Variants in MYRIP observed in about 807,000 individuals in gnomAD.
The protein encoded by MYRIP is rab effector MyRIP.
Under a neutral mutation model 98.0 loss-of-function variants are expected in MYRIP, and 49 were observed. The ratio of observed to expected loss-of-function variants is 0.50; its 90% CI spans 0.40 to 0.63. The LOEUF (loss-of-function observed/expected upper bound fraction) is 0.63. Ranked by LOEUF, MYRIP falls within the 30% of genes least tolerant of loss-of-function variation. MYRIP has a pLI of 0.00. For synonymous variants in MYRIP, 404 were observed against 409.5 expected (o/e 0.99, Z 0.16); for missense variants, 1,004 against 1,058.2 (o/e 0.95, Z 0.71).
At chr3:40,247,989 G>A (rs529120249) in intron 13 of MYRIP, among the ~76,000 whole-genome samples, 20 of 152,358 alleles carry the variant, frequency 1.3e-4, no homozygotes, top group African/African-American at 3.6e-4. Flanking sequence ...CCAGGCATGC[G>A]GAAATTCTCC....
chr3:40,213,745 T>G (rs549254919), intron 11 of MYRIP, among the ~76,000 whole-genome samples: 1 of 152,192 alleles, frequency 6.6e-6, no homozygotes, highest in Admixed American at 6.5e-5. Context: ...AAAGTCCAAC[T>G]ACCTGAGGAC....
intron 1 of MYRIP, among the ~76,000 whole-genome samples, chr3:39,846,191 A>G (rs1941960596): frequency 1.1e-5 from 1 of 89,468 alleles, no homozygotes; most frequent in Non-Finnish European, 2.3e-5. Context: ...AACTCTTGGA[A>G]AAGCTTCATT....
intron 13 of MYRIP, among the ~76,000 whole-genome samples, chr3:40,246,817 C>A (rs944404420): frequency 6.6e-6 from 1 of 152,082 alleles, no homozygotes; most frequent in Admixed American, 6.6e-5. Context: ...GTCAAAAATA[C>A]AACTCCTGAC....
chr3:40,167,496 A>G (rs1269925861), intron 7 of MYRIP, among the ~76,000 whole-genome samples: 1 of 152,168 alleles, frequency 6.6e-6, no homozygotes, highest in Non-Finnish European at 1.5e-5. Flanking sequence ...CTTCTGAGAA[A>G]CCAAACACCC....
chr3:39,988,745 C>T (rs1008411449), intron 2 of MYRIP, among the ~76,000 whole-genome samples: 3 of 151,354 alleles, frequency 2.0e-5, no homozygotes, highest in Non-Finnish European at 4.4e-5. Context: ...TGTCTGCATG[C>T]CTTATTTCAG....
intron 1 of MYRIP, among the ~76,000 whole-genome samples, chr3:39,896,650 A>C (rs947567951): frequency 6.6e-6 from 1 of 151,828 alleles, no homozygotes; most frequent in Non-Finnish European, 1.5e-5. Flanking sequence ...ACCCTTTATC[A>C]CTCTTAGGAA....
rs374011675 is a variant in MYRIP at position 40,088,135 on chromosome 3, AG to A, written c.332+43868del. ...AGCAGTGATGCTGTGGGAAGACAGC[AG>A]GGGTCCCCAAGGCTTTTGGCACCTG... On this transcript the variant is annotated intron_variant, in intron 3 of 16. Transcript: ENST00000302541. Among the ~76,000 whole-genome samples the A allele has an allele frequency of 2.3e-3, 351 of 152,282 alleles. 3 individuals carry two copies. Among genetic ancestry groups the A allele is most frequent in the African/African-American group, 8.1e-3 (338 of 41,562 alleles).
intron 1 of MYRIP, among the ~76,000 whole-genome samples, chr3:39,814,503 T>A (rs943715823): frequency 6.6e-6 from 1 of 152,200 alleles, no homozygotes; most frequent in African/African-American, 2.4e-5. Flanking sequence ...GGCAGGAGTA[T>A]AATTGTTTTC....
chr3:40,121,379 C>T (rs1030967715), intron 3 of MYRIP, among the ~76,000 whole-genome samples: 2 of 152,196 alleles, frequency 1.3e-5, no homozygotes, highest in South Asian at 2.1e-4. Flanking sequence ...TCTTTTCCCA[C>T]CCCTTTCTGG....
chr3:40,005,863 C>A lies in MYRIP; in HGVS notation c.111-38187C>A, dbSNP rs1269436579. On this transcript the variant is annotated intron_variant, in intron 2 of 16. Coordinates refer to ENST00000302541, the MANE Select transcript of MYRIP (RefSeq NM_015460.4). ...ATGCAAGATATATAATGCATGCACACATATATATAATTAGAAATTGCAAAA... is the reference window on the plus strand; with the variant it reads ...ATGCAAGATATATAATGCATGCACAAATATATATAATTAGAAATTGCAAAA... Among the ~76,000 whole-genome samples, 3 of 152,034 alleles carry A rather than the reference C, an allele frequency of 2.0e-5. No homozygotes were observed. The South Asian group carries it at 6.2e-4, about 32-fold the overall frequency.
intron 1 of MYRIP, among the ~76,000 whole-genome samples, chr3:39,812,987 C>G (rs1024068507): frequency 6.6e-6 from 1 of 152,140 alleles, no homozygotes; most frequent in African/African-American, 2.4e-5. Flanking sequence ...TTGGAGGGAG[C>G]TGGAGGTGGG....
At chr3:40,108,174 TGAGAGA>T (rs72224557) in intron 3 of MYRIP, among the ~76,000 whole-genome samples, 27,635 of 138,096 alleles carry the variant, frequency 0.2, 2,664 homozygotes, top group East Asian at 0.35. Flanking sequence ...GCAGTGTTTG[TGAGAGA>T]GAGAGAGAGA....
In MYRIP at chr3:40,162,714, A is replaced by AC. The variant is rs1162773805; in HGVS notation, c.470-12dup. ...ATAATCATATTCATTCTCTTCTCCC[A>AC]CCCCTACCCTGCCAGGAGGAAGCCT... On this transcript the variant is annotated splice_polypyrimidine_tract_variant and intron_variant, in intron 4 of 16. Transcript: ENST00000302541. 6.2e-7 allele frequency: 1 copy of AC among 1,611,276 alleles called. No individual in the cohort carries two copies. Among genetic ancestry groups the AC allele is most frequent in the African/African-American group, 1.3e-5 (1 of 74,754 alleles).
At chr3:40,184,215 CTCTT>C (rs935026004) in intron 9 of MYRIP, among the ~76,000 whole-genome samples, 104 of 152,322 alleles carry the variant, frequency 6.8e-4, no homozygotes, top group African/African-American at 2.5e-3. Flanking sequence ...TCACTTCTCT[CTCTT>C]TCTCTATGGA....
chr3:39,986,455 C>T lies in MYRIP; in HGVS notation c.111-57595C>T, dbSNP rs112477330. Among the ~76,000 whole-genome samples the T allele has an allele frequency of 4.9e-3, 622 of 127,004 alleles. 8 individuals carry two copies. Among genetic ancestry groups the T allele is most frequent in the African/African-American group, 0.024 (591 of 24,552 alleles). The allele number at this position is 127,004 out of a possible 152,430, so 83.3% of individuals were successfully genotyped here. On this transcript the variant is annotated intron_variant, in intron 2 of 16. Coordinates refer to ENST00000302541, the MANE Select transcript of MYRIP (RefSeq NM_015460.4). Reference sequence around the variant, plus strand: ...GTCTCTTTCTCTCCCTCTCTCTCTCCCTCTCTCTCTCTCTCTGTCTCTTTC... The same window carrying T: ...GTCTCTTTCTCTCCCTCTCTCTCTCTCTCTCTCTCTCTCTCTGTCTCTTTC...
intron 4 of MYRIP, among the ~76,000 whole-genome samples, chr3:40,154,075 G>A (rs1394607826): frequency 6.6e-6 from 1 of 151,920 alleles, no homozygotes; most frequent in Non-Finnish European, 1.5e-5. Flanking sequence ...GGGAGGCGGA[G>A]GTTGCAGTGA....
At chr3:40,202,006 T>C (rs1373630005) in intron 10 of MYRIP, among the ~76,000 whole-genome samples, 5 of 152,120 alleles carry the variant, frequency 3.3e-5, no homozygotes, top group Admixed American at 6.5e-5. Context: ...TGCCAAAGGA[T>C]TGGCAAGGAA....
At chr3:39,985,623 G>C (rs1249115148) in intron 2 of MYRIP, among the ~76,000 whole-genome samples, 1 of 142,274 alleles carries the variant, frequency 7.0e-6, no homozygotes, top group African/African-American at 2.8e-5. Flanking sequence ...TAGATCAATG[G>C]AACAGAACAG....
intron 3 of MYRIP, among the ~76,000 whole-genome samples, chr3:40,103,172 C>T (rs1211554334): frequency 6.6e-6 from 1 of 152,138 alleles, no homozygotes; most frequent in Admixed American, 6.5e-5. Context: ...GTCAAATCTC[C>T]TCCCACAGTG....
Sources: gnomAD v4.1 joint callset for allele counts (sites outside exome capture counted in the v4.1 genomes callset) on GRCh38, gnomAD v4.1.1 for gene constraint, MANE v1.5 for transcripts, NCBI Gene and HGNC (gene_info 2026-07-23, HGNC 2026-07-21) for gene names.